Variants in NRCAM observed in about 807,000 individuals in gnomAD.
NRCAM encodes NgCAM-related cell adhesion molecule.
NRCAM carries 83 observed loss-of-function variants against 156.5 expected under a neutral mutation model. That is an observed-to-expected ratio of 0.53 (90% CI 0.44 to 0.64). The LOEUF (loss-of-function observed/expected upper bound fraction) is 0.64. NRCAM is among the 30% of genes least tolerant of loss of function. NRCAM has a pLI of 0.00. For synonymous variants in NRCAM, 538 were observed against 563.9 expected (o/e 0.95, Z 0.65); for missense variants, 1,417 against 1,597.3 (o/e 0.89, Z 1.92).
chr7:108,443,325 A>C (rs1840676640), intron 1 of NRCAM, among the ~76,000 whole-genome samples: 2 of 152,190 alleles, frequency 1.3e-5, no homozygotes, highest in South Asian at 4.1e-4. Context: ...AAATGGGGAG[A>C]CATCATAAAG....
intron 31 of NRCAM, among the ~76,000 whole-genome samples, chr7:108,160,117 G>C (rs927693714): frequency 2.0e-5 from 3 of 152,126 alleles, no homozygotes; most frequent in Non-Finnish European, 2.9e-5. Flanking sequence ...TGGAGTCTAA[G>C]AAAGTAGGCT....
At position 108,148,045 on chromosome 7, in the gene NRCAM, C is replaced by T. The variant is rs1162863971; in HGVS notation, c.*1865G>A. The T allele has an allele frequency of 6.6e-6, 1 of 152,592 alleles. No individual in the cohort carries two copies. The highest frequency in any genetic ancestry group is 1.5e-5 in the Non-Finnish European group (1 of 68,036). 9.5% of individuals were successfully genotyped at this position (152,592 alleles called of 1,614,324 possible). A position where few individuals can be genotyped will look rare whatever the true frequency, so the allele number is the denominator to read the frequency against. ...ATAGAGACATGAAAGTATTTAGGGC[C>T]ATCTTTACCTGGGATTACTTTAAAT... On this transcript the variant is annotated 3_prime_UTR_variant, in exon 33 of 33. Coordinates refer to ENST00000379028, the MANE Select transcript of NRCAM (RefSeq NM_001037132.4).
At chr7:108,379,283 C>T (rs1465902176) in intron 2 of NRCAM, among the ~76,000 whole-genome samples, 3 of 152,012 alleles carry the variant, frequency 2.0e-5, no homozygotes, top group African/African-American at 4.8e-5. Flanking sequence ...GATAAAGGAA[C>T]GTATAATGAA....
At chr7:108,221,197 A>T (rs1329379400) in intron 11 of NRCAM, among the ~76,000 whole-genome samples, 1 of 152,198 alleles carries the variant, frequency 6.6e-6, no homozygotes, top group African/African-American at 2.4e-5. Flanking sequence ...TCAAAAAAAC[A>T]GTAGATGTTG....
At chr7:108,424,377 C>A (rs1597481409) in intron 1 of NRCAM, among the ~76,000 whole-genome samples, 1 of 152,186 alleles carries the variant, frequency 6.6e-6, no homozygotes, top group Non-Finnish European at 1.5e-5. Flanking sequence ...TTCCTGGAAG[C>A]TCTGGAGAAG....
In NRCAM at chr7:108,188,426, T is replaced by A. The variant is rs531007433; in HGVS notation, c.2035+1219A>T. Among the ~76,000 whole-genome samples, 5 of 152,222 alleles carry A rather than the reference T, an allele frequency of 3.3e-5. No individual in the cohort carries two copies. In the East Asian group the frequency reaches 9.7e-4, roughly 30 times the overall value. ...ATATATACATATGTTTACATGCAGA[T>A]ATAATGAAATTATGCTTAATAATGT... On this transcript the variant is annotated intron_variant, in intron 20 of 32. Coordinates refer to ENST00000379028, the MANE Select transcript of NRCAM (RefSeq NM_001037132.4).
intron 13 of NRCAM, among the ~76,000 whole-genome samples, chr7:108,199,129 TAAG>T (rs921242247): frequency 1.3e-5 from 2 of 152,212 alleles, no homozygotes; most frequent in Non-Finnish European, 2.9e-5. Flanking sequence ...TTGAAGCATT[TAAG>T]AAGACTTTAT....
In NRCAM at chr7:108,198,913, T is replaced by C. The variant is rs952958796; in HGVS notation, c.1208-814A>G. Among the ~76,000 whole-genome samples the C allele has an allele frequency of 1.4e-4, 22 of 152,326 alleles. No individual in the cohort carries two copies. In the East Asian group the frequency reaches 4.2e-3, roughly 29 times the overall value. ...ATAGAACTGGCTGGGTAACACAGTATGTGAGGATTTAGTCCCGGGCATGCC... is the reference window on the plus strand; with the variant it reads ...ATAGAACTGGCTGGGTAACACAGTACGTGAGGATTTAGTCCCGGGCATGCC... On this transcript the variant is annotated intron_variant, in intron 13 of 32. Coordinates refer to ENST00000379028, the MANE Select transcript of NRCAM (RefSeq NM_001037132.4).
chr7:108,219,347 C>A (rs1261283929), intron 11 of NRCAM, among the ~76,000 whole-genome samples: 2 of 152,118 alleles, frequency 1.3e-5, no homozygotes, highest in Non-Finnish European at 2.9e-5. Context: ...CCAATTCATT[C>A]TATGAAGCCA....
intron 32 of NRCAM, among the ~76,000 whole-genome samples, chr7:108,153,487 C>A (rs2042977411): frequency 6.6e-6 from 1 of 151,632 alleles, no homozygotes; most frequent in Non-Finnish European, 1.5e-5. Flanking sequence ...AGGGTAGCAA[C>A]AAGAAACCTA....
At chr7:108,307,887 G>T (rs11768790) in intron 3 of NRCAM, among the ~76,000 whole-genome samples, 85,506 of 151,886 alleles carry the variant, frequency 0.56, 25,068 homozygotes, top group East Asian at 0.82. Flanking sequence ...CTGGAAGGAA[G>T]AGACATGATA....
At chr7:108,298,922 A>G (rs938559848) in intron 3 of NRCAM, among the ~76,000 whole-genome samples, 1 of 150,274 alleles carries the variant, frequency 6.7e-6, no homozygotes, top group African/African-American at 2.4e-5. Context: ...CCTGGCTAAC[A>G]TGGTGAAACC....
intron 2 of NRCAM, among the ~76,000 whole-genome samples, chr7:108,356,681 A>T (rs1429129798): frequency 6.6e-6 from 1 of 152,214 alleles, no homozygotes; most frequent in East Asian, 1.9e-4. Context: ...GGCTTGACTT[A>T]TATTAGTTTA....
chr7:108,282,106 C>G (rs1240770646), intron 3 of NRCAM, among the ~76,000 whole-genome samples: 1 of 152,126 alleles, frequency 6.6e-6, no homozygotes, highest in Non-Finnish European at 1.5e-5. Flanking sequence ...GTACCCATCT[C>G]TTTATAAAGA....
intron 1 of NRCAM, among the ~76,000 whole-genome samples, chr7:108,438,113 T>C (rs936958759): frequency 1.3e-5 from 2 of 151,838 alleles, no homozygotes; most frequent in African/African-American, 4.8e-5. Context: ...GCTTCACTGG[T>C]GAATTCTACT....
chr7:108,378,466 A>C (rs2154353777), intron 2 of NRCAM, among the ~76,000 whole-genome samples: 1 of 152,228 alleles, frequency 6.6e-6, no homozygotes, highest in Non-Finnish European at 1.5e-5. Flanking sequence ...GAGAATCATA[A>C]AGGATACAAA....
intron 2 of NRCAM, among the ~76,000 whole-genome samples, chr7:108,320,021 A>G (rs1272717683): frequency 6.6e-6 from 1 of 152,254 alleles, no homozygotes; most frequent in African/African-American, 2.4e-5. Context: ...ACTGAAAATG[A>G]AGGCAAGAAC....
chr7:108,173,674 CTTAT>C (rs1198663494), intron 28 of NRCAM, among the ~76,000 whole-genome samples: 1 of 152,012 alleles, frequency 6.6e-6, no homozygotes, highest in Non-Finnish European at 1.5e-5. Context: ...TTTTTTCCCC[CTTAT>C]TTAAACGCTA....
At chr7:108,300,143 C>T (rs149614825) in intron 3 of NRCAM, among the ~76,000 whole-genome samples, 1 of 147,164 alleles carries the variant, frequency 6.8e-6, no homozygotes, top group Non-Finnish European at 1.5e-5. Flanking sequence ...TGTAATCCTT[C>T]CCCAAATTTC....
Sources: allele counts gnomAD v4.1 joint callset (sites outside exome capture counted in the v4.1 genomes callset), GRCh38; gene constraint gnomAD v4.1.1; transcripts MANE v1.5; gene names NCBI Gene and HGNC (gene_info 2026-07-23, HGNC 2026-07-21).